Variants in POR observed in about 807,000 individuals in gnomAD.
POR encodes the protein NADPH--cytochrome P450 reductase.
Under a neutral mutation model 84.0 loss-of-function variants are expected in POR, and 56 were observed. The observed-to-expected ratio is 0.67, with a 90% CI of 0.54 to 0.83. The LOEUF (loss-of-function observed/expected upper bound fraction) is 0.83. Ranked by LOEUF, POR falls within the 40% of genes least tolerant of loss-of-function variation. The pLI, the probability that POR is intolerant of heterozygous loss-of-function variation, is 0.00. For missense variants in POR, 938 were observed against 944.3 expected (o/e 0.99, Z 0.09); for synonymous variants, 414 against 400.5 (o/e 1.03, Z -0.40).
intron 6 of POR, 78 bp from the exon 7 acceptor site, chr7:75,981,439 C>A: frequency 7.3e-7 from 1 of 1,364,202 alleles, no homozygotes; most frequent in South Asian, 1.2e-5. Flanking sequence ...GGGGTGGGGT[C>A]GGGGCGTGCC....
intron 1 of POR, among the ~76,000 whole-genome samples, chr7:75,921,832 G>A (rs1455464455): frequency 5.9e-5 from 9 of 151,718 alleles, no homozygotes; most frequent in Admixed American, 5.3e-4. Flanking sequence ...TCAGCCTCCC[G>A]AGTAGCTGGC....
intron 1 of POR, among the ~76,000 whole-genome samples, chr7:75,925,793 G>T (rs1454814124): frequency 1.3e-5 from 2 of 152,162 alleles, no homozygotes; most frequent in African/African-American, 4.8e-5. Context: ...TAGGTAAGAG[G>T]CTGAGAGGTT....
chr7:75,981,126 G>T lies in POR; in HGVS notation c.595G>T (p.Gly199Cys), dbSNP rs1222031035. 1 of 1,557,894 alleles carries T rather than the reference G, an allele frequency of 6.4e-7. No homozygotes were observed. Among genetic ancestry groups the T allele is most frequent in the African/African-American group, 1.4e-5 (1 of 73,484 alleles). The change falls in exon 6 of 16, where the codon GGC (glycine) becomes TGC (cysteine). Residue 199 changes from glycine to cysteine, a missense_variant. Coordinates refer to ENST00000461988, the MANE Select transcript of POR (RefSeq NM_000941.3). ...CGTGGACAAGCGGCTGGAGCAGCTC[G>T]GCGCCCAGCGCATCTTTGAGCTGGG...
At chr7:75,970,521 AT>A (rs1234313112) in intron 2 of POR, among the ~76,000 whole-genome samples, 24 of 148,112 alleles carry the variant, frequency 1.6e-4, no homozygotes, top group South Asian at 6.4e-4. Context: ...ATTAAAAAAA[AT>A]TTTTTTTTTT....
intron 1 of POR, among the ~76,000 whole-genome samples, chr7:75,949,890 G>T (rs113069525): frequency 0.044 from 6,597 of 148,304 alleles, 478 homozygotes; most frequent in African/African-American, 0.15. Context: ...ATGGAATCTC[G>T]CTCTGTCGCC....
chr7:75,961,107 C>T (rs782265409), intron 2 of POR, among the ~76,000 whole-genome samples: 22 of 151,898 alleles, frequency 1.4e-4, no homozygotes, highest in Non-Finnish European at 2.6e-4. Context: ...GTGGTGCGTG[C>T]CTGTAATCCC....
intron 2 of POR, among the ~76,000 whole-genome samples, chr7:75,971,495 A>G (rs965375815): frequency 2.0e-5 from 3 of 151,696 alleles, no homozygotes; most frequent in Non-Finnish European, 2.9e-5. Context: ...AGAACGGAAA[A>G]TGGGGCGGGG....
Position 75,982,295 on chromosome 7 carries a change from G to A in POR, c.803G>A (p.Arg268Gln), listed in dbSNP as rs557802016. The A allele has an allele frequency of 2.0e-5, 33 of 1,612,466 alleles. No homozygotes were observed. Among genetic ancestry groups the A allele is most frequent in the Admixed American group, 3.3e-5 (2 of 59,822 alleles). The change falls in exon 8 of 16, where the codon CGG becomes CAG. Residue 268 changes from arginine (R) to glutamine (Q), a missense_variant. Arg to Gln is a conservative substitution (Grantham distance 43). Transcript: ENST00000461988. ...AAGGTGTACATGGGGGAGATGGGCC[G>A]GCTGAAGAGCTACGAGAACCAGAAG...
intron 1 of POR, chr7:75,922,757 G>T: frequency 2.3e-6 from 1 of 437,522 alleles, no homozygotes; most frequent in South Asian, 2.3e-5. Context: ...CTAGAAAGAT[G>T]GCAAAGCAGG....
chr7:75,965,842 A>G (rs928352978), intron 2 of POR, among the ~76,000 whole-genome samples: 1 of 152,136 alleles, frequency 6.6e-6, no homozygotes, highest in Admixed American at 6.5e-5. Flanking sequence ...GCAGCCCACC[A>G]GAGCCTTAGA....
intron 1 of POR, among the ~76,000 whole-genome samples, chr7:75,932,749 G>GTGGC (rs1807480484): frequency 6.6e-6 from 1 of 152,078 alleles, no homozygotes; most frequent in African/African-American, 2.4e-5. Context: ...GGCGGGCACG[G>GTGGC]TGGCTCACAC....
rs782045795 is a variant in POR at position 75,973,958 on chromosome 7, G to T, written c.237+1497G>T. On this transcript the variant is annotated intron_variant, in intron 3 of 15. Coordinates refer to ENST00000461988, the MANE Select transcript of POR (RefSeq NM_000941.3). ...CTCCCAAAGTGCTGGGATTACAGGC[G>T]TGAGCCACTGCGCCCGGCTGACCTT... Among the ~76,000 whole-genome samples the T allele has an allele frequency of 8.6e-5, 13 of 151,708 alleles. 1 individual carries two copies. Among genetic ancestry groups the T allele is most frequent in the Admixed American group, 8.5e-4 (13 of 15,210 alleles).
intron 3 of POR, among the ~76,000 whole-genome samples, chr7:75,974,828 CTTTT>C (rs1408281798): frequency 2.0e-5 from 3 of 152,026 alleles, no homozygotes; most frequent in Non-Finnish European, 2.9e-5. Flanking sequence ...CACCCAGCCT[CTTTT>C]TTCTTTTTTT....
intron 1 of POR, among the ~76,000 whole-genome samples, chr7:75,953,356 TAAA>T (rs781821579): frequency 4.9e-5 from 6 of 122,400 alleles, no homozygotes; most frequent in Non-Finnish European, 3.5e-5. Flanking sequence ...CTTTGTCTCT[TAAA>T]AAAAAAAAAA....
Position 75,986,390 on chromosome 7 carries a change from C to G in POR, c.1952C>G (p.Ala651Gly). ...CAGAACACCTTCTACGACATCGTGGCTGAGCTCGGGGCCATGGAGCACGCG... is the reference window on the plus strand; with the variant it reads ...CAGAACACCTTCTACGACATCGTGGGTGAGCTCGGGGCCATGGAGCACGCG... Residue 651 changes from alanine to glycine, a missense_variant, in exon 16 of 16, where the codon GCT (alanine) becomes GGT (glycine). By Grantham distance (60) the Ala-to-Gly change is moderately conservative (BLOSUM62 0). Transcript: ENST00000461988. 1 of 1,612,578 alleles carries G rather than the reference C, an allele frequency of 6.2e-7. No individual in the cohort carries two copies. The highest frequency in any genetic ancestry group is 8.5e-7 in the Non-Finnish European group (1 of 1,179,860).
At chr7:75,959,760 A>G (rs1379821243) in intron 2 of POR, among the ~76,000 whole-genome samples, 3 of 152,200 alleles carry the variant, frequency 2.0e-5, no homozygotes, top group Admixed American at 6.5e-5. Flanking sequence ...GGGGCCAAAC[A>G]CATTTTTAAA....
chr7:75,922,698 TA>T, intron 1 of POR: 1 of 297,882 alleles, frequency 3.4e-6, no homozygotes, highest in South Asian at 4.0e-5. Flanking sequence ...CATCCAGGTA[TA>T]AAATTTTGTG....
In POR at chr7:75,931,252, T is replaced by G. The variant is rs150009917; in HGVS notation, c.-5+16073T>G. ...CAGGCATGAAGAGGAATGAAGGGCT[T>G]TTATGCATGCCACAACGTGGATGGA... On this transcript the variant is annotated intron_variant, in intron 1 of 15. Coordinates refer to ENST00000461988, the MANE Select transcript of POR (RefSeq NM_000941.3). Among the ~76,000 whole-genome samples the G allele has an allele frequency of 3.9e-3, 598 of 152,306 alleles. 5 individuals are homozygous for G. The highest frequency in any genetic ancestry group is 6.0e-3 in the Non-Finnish European group (405 of 68,028).
chr7:75,916,736 G>A (rs56693389), intron 1 of POR, among the ~76,000 whole-genome samples: 4,160 of 152,194 alleles, frequency 0.027, 180 homozygotes, highest in African/African-American at 0.096. Flanking sequence ...GAAATAATAG[G>A]TAGATTTGAA....
Sources: gnomAD v4.1 joint callset for allele counts (sites outside exome capture counted in the v4.1 genomes callset) on GRCh38, gnomAD v4.1.1 for gene constraint, MANE v1.5 for transcripts, NCBI Gene and HGNC (gene_info 2026-07-23, HGNC 2026-07-21) for gene names.